The following PCGF5 variants were observed in gnomAD, a reference collection of about 807,000 sequenced individuals.
The protein encoded by PCGF5 is polycomb group RING finger protein 5.
In PCGF5, 9 loss-of-function variants were observed where a neutral mutation model predicts 44.3. That is an observed-to-expected ratio of 0.20 (90% CI 0.12 to 0.35). The LOEUF is 0.35. Among genes scored for constraint, PCGF5 ranks in the 10% least tolerant of loss-of-function variants. The probability of loss-of-function intolerance (pLI) is 1.00; values close to 1 mark genes in which losing one functional copy is unlikely to be tolerated. For missense variants in PCGF5, 146 were observed against 305.3 expected (o/e 0.48, Z 3.89); for synonymous variants, 95 against 102.5 (o/e 0.93, Z 0.44).
At chr10:91,177,023 C>T (rs1843719262) in intron 1 of PCGF5, among the ~76,000 whole-genome samples, 1 of 152,148 alleles carries the variant, frequency 6.6e-6, no homozygotes, top group Admixed American at 6.5e-5. Context: ...TGTTTTTTCC[C>T]CATCTTTGTG....
chr10:91,275,702 C>A (rs546458939), intron 9 of PCGF5, among the ~76,000 whole-genome samples: 1 of 151,884 alleles, frequency 6.6e-6, no homozygotes, highest in South Asian at 2.1e-4. Flanking sequence ...ATCTGCCCGC[C>A]TCGGGCTCCC....
intron 2 of PCGF5, among the ~76,000 whole-genome samples, chr10:91,237,140 A>G (rs759845421): frequency 3.0e-4 from 45 of 152,334 alleles, no homozygotes; most frequent in Admixed American, 1.6e-3. Flanking sequence ...AAGAGGCCAA[A>G]TGCTATCTAA....
At chr10:91,251,583 A>G in intron 6 of PCGF5, 143 bp downstream of exon 6, 1 of 833,836 alleles carries the variant, frequency 1.2e-6, no homozygotes, top group Non-Finnish European at 1.9e-6. Context: ...TTCTTTGACA[A>G]TCCTATGCTT....
intron 1 of PCGF5, among the ~76,000 whole-genome samples, chr10:91,184,794 T>C (rs1168909260): frequency 6.6e-6 from 1 of 152,164 alleles, no homozygotes; most frequent in African/African-American, 2.4e-5. Flanking sequence ...AGGGGTCTGC[T>C]CCAGTCCCTA....
intron 1 of PCGF5, among the ~76,000 whole-genome samples, chr10:91,202,469 G>A (rs532878406): frequency 5.7e-4 from 87 of 152,306 alleles, no homozygotes; most frequent in African/African-American, 2.0e-3. Context: ...TAGTTAACAG[G>A]ATTGTTGTGA....
chr10:91,267,134 T>A (rs538788107), intron 8 of PCGF5, among the ~76,000 whole-genome samples: 251 of 152,258 alleles, frequency 1.6e-3, no homozygotes, highest in African/African-American at 5.6e-3. Flanking sequence ...CTCACAGCAC[T>A]CCAGCCACAC....
At position 91,200,512 on chromosome 10, in the gene PCGF5, C is replaced by T. The variant is rs187467486; in HGVS notation, c.-183-22177C>T. On this transcript the variant is annotated intron_variant, in intron 1 of 9. Coordinates refer to the PCGF5 transcript ENST00000614189. The stretch of plus-strand genomic sequence containing the variant: ...ATATCAACAGGTATGGATGAGATTG[C>T]ATTGAAAGCTGTGCATTGCATTTGT... Among the ~76,000 whole-genome samples, 24 of 152,298 alleles carry T rather than the reference C, an allele frequency of 1.6e-4. No homozygotes were observed. The East Asian group carries it at 2.7e-3, about 17-fold the overall frequency.
At chr10:91,236,692 G>A (rs1262469670) in intron 2 of PCGF5, among the ~76,000 whole-genome samples, 1 of 152,210 alleles carries the variant, frequency 6.6e-6, no homozygotes, top group Non-Finnish European at 1.5e-5. Context: ...TTAGAAGTGA[G>A]TTTTGTAGTG....
intron 1 of PCGF5, among the ~76,000 whole-genome samples, chr10:91,209,280 A>C (rs1310981710): frequency 6.6e-6 from 1 of 152,172 alleles, no homozygotes; most frequent in African/African-American, 2.4e-5. Flanking sequence ...GAACTTTACA[A>C]GTGAGGGACT....
At chr10:91,259,831 C>T (rs1424449528) in intron 6 of PCGF5, among the ~76,000 whole-genome samples, 1 of 152,190 alleles carries the variant, frequency 6.6e-6, no homozygotes, top group Non-Finnish European at 1.5e-5. Context: ...GGATTAAAGA[C>T]TTACATGTTA....
intron 1 of PCGF5, among the ~76,000 whole-genome samples, chr10:91,172,122 T>G (rs1843619166): frequency 6.6e-6 from 1 of 152,158 alleles, no homozygotes; most frequent in South Asian, 2.1e-4. Context: ...TCTCTGAATC[T>G]CAGTTAATAT....
chr10:91,212,601 T>G (rs1589371059), intron 1 of PCGF5, among the ~76,000 whole-genome samples: 1 of 152,196 alleles, frequency 6.6e-6, no homozygotes, highest in South Asian at 2.1e-4. Context: ...TGAATCTGAA[T>G]AAATCAAAGT....
At chr10:91,220,528 C>CGGGCGTGGTGGT (rs1024061590), upstream of PCGF5, 2 of 151,774 alleles carry the variant, frequency 1.3e-5, no homozygotes, top group Non-Finnish European at 3.0e-5. Context: ...GCGCGGCCTC[C>CGGGCGTGGTGGT]GGGCGTGGTG....
At chr10:91,242,419 TAAA>T (rs11370726) in intron 3 of PCGF5, among the ~76,000 whole-genome samples, 1 of 151,832 alleles carries the variant, frequency 6.6e-6, no homozygotes, top group Non-Finnish European at 1.5e-5. Context: ...TTTATTAAAA[TAAA>T]AAACTGTTAA....
intron 9 of PCGF5, among the ~76,000 whole-genome samples, chr10:91,275,841 T>C (rs1001779174): frequency 6.6e-6 from 1 of 152,170 alleles, no homozygotes; most frequent in Non-Finnish European, 1.5e-5. Flanking sequence ...GTTCCGCTTT[T>C]AGGAATCTAT....
At chr10:91,163,266 C>G (rs1394425967) in intron 1 of PCGF5, among the ~76,000 whole-genome samples, 1 of 150,646 alleles carries the variant, frequency 6.6e-6, no homozygotes, top group Non-Finnish European at 1.5e-5. Flanking sequence ...CGGTGCGGGC[C>G]GGTGGGCGGC....
Position 91,183,523 on chromosome 10 carries a change from T to C in PCGF5, c.-184+20442T>C, listed in dbSNP as rs143439952. Among the ~76,000 whole-genome samples, 999 of 152,330 alleles carry C rather than the reference T, an allele frequency of 6.6e-3. 10 individuals are homozygous for C. The highest frequency in any genetic ancestry group is 0.023 in the African/African-American group (958 of 41,568). ...ATGAATTTTGACTCTTTCTCCAGCT[T>C]GCCATTCTGTGTCTTTTAATTGGGG... On this transcript the variant is annotated intron_variant, in intron 1 of 9. Transcript: ENST00000614189.
At chr10:91,164,125 C>T (rs1843450651) in intron 1 of PCGF5, among the ~76,000 whole-genome samples, 3 of 151,836 alleles carry the variant, frequency 2.0e-5, no homozygotes, top group Admixed American at 2.0e-4. Flanking sequence ...CACACGCGCG[C>T]GTACTCGCTA....
chr10:91,244,842 G>GGGAAGA (rs768414963), intron 3 of PCGF5, among the ~76,000 whole-genome samples: 2 of 152,108 alleles, frequency 1.3e-5, no homozygotes, highest in Non-Finnish European at 2.9e-5. Context: ...TAACTGAGTT[G>GGGAAGA]GGAAGATTAA....
Sources: allele counts gnomAD v4.1 joint callset (sites outside exome capture counted in the v4.1 genomes callset), GRCh38; gene constraint gnomAD v4.1.1; transcripts MANE v1.5; gene names NCBI Gene and HGNC (gene_info 2026-07-23, HGNC 2026-07-21).